The following PGGT1B variants were observed in gnomAD, a reference collection of about 807,000 sequenced individuals.
PGGT1B encodes the protein geranylgeranyl transferase type-1 subunit beta.
Under a neutral mutation model 46.1 loss-of-function variants are expected in PGGT1B, and 30 were observed. That is an observed-to-expected ratio of 0.65 (90% confidence interval 0.49 to 0.88). The LOEUF (loss-of-function observed/expected upper bound fraction) is 0.88. PGGT1B is among the 40% of genes least tolerant of loss of function. PGGT1B has a pLI of 0.00. For missense variants in PGGT1B, 376 were observed against 455.9 expected (o/e 0.82, Z 1.60); for synonymous variants, 170 against 160.0 (o/e 1.06, Z -0.47).
intron 7 of PGGT1B, among the ~76,000 whole-genome samples, chr5:115,220,728 GATA>G: frequency 6.6e-6 from 1 of 151,866 alleles, no homozygotes; most frequent in South Asian, 2.1e-4. Context: ...GATATTTAAT[GATA>G]ATAAGAAATT....
At chr5:115,244,566 C>G (rs977824918) in intron 2 of PGGT1B, among the ~76,000 whole-genome samples, 4 of 146,672 alleles carry the variant, frequency 2.7e-5, no homozygotes, top group Admixed American at 2.1e-4. Flanking sequence ...AAAAAGTTAT[C>G]TTTCTCTTAC....
chr5:115,246,214 G>A (rs951783574), intron 2 of PGGT1B, among the ~76,000 whole-genome samples: 1 of 152,010 alleles, frequency 6.6e-6, no homozygotes, highest in Non-Finnish European at 1.5e-5. Flanking sequence ...AAATTAGCCG[G>A]GTGTGGTGGA....
At position 115,212,483 on chromosome 5, in the gene PGGT1B, A is replaced by C. The variant is rs1756265365; in HGVS notation, c.1053T>G (p.Ser351=). ...TTTGATGGAGATCTAGAAGGCGTTC[A>C]GAAGTCCGTGTGCTTACATTCAGAG... ...HPALNVSTRT[S]ERLLDLHQSW... The change falls in exon 9 of 9, where the codon TCT becomes TCG. Residue 351 remains serine (S), a synonymous_variant. Coordinates refer to ENST00000419445, the MANE Select transcript of PGGT1B (RefSeq NM_005023.4). 1 of 1,613,136 alleles carries C rather than the reference A, an allele frequency of 6.2e-7. No individual in the cohort carries two copies. The highest frequency in any genetic ancestry group is 1.3e-5 in the African/African-American group (1 of 74,874).
intron 5 of PGGT1B, among the ~76,000 whole-genome samples, chr5:115,234,966 C>CGTAT (rs1757130986): frequency 6.6e-6 from 1 of 152,018 alleles, no homozygotes; most frequent in Non-Finnish European, 1.5e-5. Flanking sequence ...TACCAATGAG[C>CGTAT]ATACTTAGTA....
intron 7 of PGGT1B, among the ~76,000 whole-genome samples, chr5:115,219,417 T>G (rs1756520640): frequency 6.6e-6 from 1 of 151,862 alleles, no homozygotes; most frequent in Non-Finnish European, 1.5e-5. Flanking sequence ...TGAGGTTGGA[T>G]CTTACCTTAC....
intron 1 of PGGT1B, among the ~76,000 whole-genome samples, chr5:115,259,685 CAAAAAAAA>C (rs917531364): frequency 5.8e-4 from 17 of 29,474 alleles, no homozygotes; most frequent in African/African-American, 2.0e-3. Context: ...GAGACTGTCT[CAAAAAAAA>C]AAAAAAAAAA....
At chr5:115,238,582 T>G (rs1242828462) in intron 3 of PGGT1B, among the ~76,000 whole-genome samples, 1 of 152,122 alleles carries the variant, frequency 6.6e-6, no homozygotes, top group Non-Finnish European at 1.5e-5. Context: ...CAAAACTTAT[T>G]TTATATAGCA....
chr5:115,241,091 C>A lies in PGGT1B; in HGVS notation c.327+448G>T, dbSNP rs78319585. ...TCACTACCTAGGTCTTCAATCACTG[C>A]CTTTAGAAGGGCTTTTTCTTTTATT... On this transcript the variant is annotated intron_variant, in intron 3 of 8. Coordinates refer to ENST00000419445, the MANE Select transcript of PGGT1B (RefSeq NM_005023.4). Among the ~76,000 whole-genome samples the A allele has an allele frequency of 3.0e-3, 456 of 152,194 alleles. 2 individuals carry two copies. Among genetic ancestry groups the A allele is most frequent in the African/African-American group, 0.01 (429 of 41,528 alleles).
intron 5 of PGGT1B, among the ~76,000 whole-genome samples, chr5:115,232,383 C>T (rs1234606322): frequency 6.6e-6 from 1 of 151,962 alleles, no homozygotes; most frequent in Non-Finnish European, 1.5e-5. Context: ...ACAAAACACA[C>T]AACGTTGGAA....
intron 1 of PGGT1B, among the ~76,000 whole-genome samples, chr5:115,256,935 T>C (rs1383073712): frequency 1.3e-5 from 2 of 152,216 alleles, no homozygotes; most frequent in Non-Finnish European, 2.9e-5. Context: ...TTTCAGAGAA[T>C]ATCTGTTTAT....
chr5:115,253,016 C>T, intron 2 of PGGT1B, 121 bp downstream of exon 2: 1 of 860,862 alleles, frequency 1.2e-6, no homozygotes, highest in Non-Finnish European at 1.8e-6. Flanking sequence ...TGCATTACAA[C>T]AAAATCACAG....
Position 115,210,800 on chromosome 5 carries a change from G to A in PGGT1B, c.*1602C>T, listed in dbSNP as rs190563853. The A allele has an allele frequency of 9.9e-4, 150 of 152,066 alleles. No homozygotes were observed. Among genetic ancestry groups the A allele is most frequent in the African/African-American group, 3.4e-3 (142 of 41,538 alleles). The allele number at this position is 152,066 out of a possible 1,614,324, so 9.4% of individuals were successfully genotyped here. A position where few individuals can be genotyped will look rare whatever the true frequency, so the allele number is the denominator to read the frequency against. ...TTAATCTGCCAGGATTTAAATAGTA[G>A]CAACTGGAATAACCCATAGACGGAT... On this transcript the variant is annotated 3_prime_UTR_variant, in exon 9 of 9. Coordinates refer to ENST00000419445, the MANE Select transcript of PGGT1B (RefSeq NM_005023.4).
chr5:115,215,541 G>A (rs1580742354), intron 8 of PGGT1B, among the ~76,000 whole-genome samples: 1 of 151,552 alleles, frequency 6.6e-6, no homozygotes, highest in African/African-American at 2.4e-5. Flanking sequence ...CAAGTGATCC[G>A]CCCACCTCAG....
chr5:115,220,821 A>T (rs1284252879), intron 7 of PGGT1B, among the ~76,000 whole-genome samples: 5 of 152,008 alleles, frequency 3.3e-5, no homozygotes, highest in South Asian at 4.1e-4. Context: ...AGATTATATT[A>T]AAAAATTTCC....
At position 115,221,888 on chromosome 5, in the gene PGGT1B, T is replaced by C; in HGVS notation, c.779A>G (p.Tyr260Cys). ...RWCIMRQQNG[Y>C]HGRPNKPVDT... Reference sequence around the variant, plus strand: ...TACAGGCTTATTAGGTCTTCCATGATAACCATTTTGTTGCCTCATTATACA... The same window carrying C: ...TACAGGCTTATTAGGTCTTCCATGACAACCATTTTGTTGCCTCATTATACA... The change falls in exon 7 of 9, where the codon TAT becomes TGT. Residue 260 changes from tyrosine to cysteine, a missense_variant. Tyr to Cys is a radical substitution (Grantham distance 194). Transcript: ENST00000419445. 2 of 1,610,442 alleles carry C rather than the reference T, an allele frequency of 1.2e-6. No homozygotes were observed. Among genetic ancestry groups the C allele is most frequent in the Non-Finnish European group, 1.7e-6 (2 of 1,178,426 alleles).
Position 115,215,187 on chromosome 5 carries a change from G to A in PGGT1B, c.952+1678C>T, listed in dbSNP as rs149656119. Among the ~76,000 whole-genome samples, 512 of 152,034 alleles carry A rather than the reference G, an allele frequency of 3.4e-3. 2 individuals are homozygous for A. Among genetic ancestry groups the A allele is most frequent in the African/African-American group, 0.011 (475 of 41,438 alleles). On this transcript the variant is annotated intron_variant, in intron 8 of 8. Transcript: ENST00000419445. ...CTATTTTTGTATTTTTGGTAGAGAC[G>A]GGGTCTCGCCATATTGACCAGGCTG...
chr5:115,207,661 G>A lies in PGGT1B; in HGVS notation c.*4741C>T, dbSNP rs115159670. On this transcript the variant is annotated 3_prime_UTR_variant, in exon 9 of 9. Transcript: ENST00000419445. ...TTGTATTTAATAGCTACTTTACTAAGTTCTTTTATTGTTTAGTTTTTCAAC... is the reference window on the plus strand; with the variant it reads ...TTGTATTTAATAGCTACTTTACTAAATTCTTTTATTGTTTAGTTTTTCAAC... 1,023 of 152,128 alleles carry A rather than the reference G, an allele frequency of 6.7e-3. 13 individuals carry two copies. Among genetic ancestry groups the A allele is most frequent in the African/African-American group, 0.024 (981 of 41,536 alleles). 9.4% of individuals were successfully genotyped at this position (152,128 alleles called of 1,614,324 possible).
At chr5:115,240,724 G>C (rs1757321864) in intron 3 of PGGT1B, among the ~76,000 whole-genome samples, 1 of 152,130 alleles carries the variant, frequency 6.6e-6, no homozygotes, top group Non-Finnish European at 1.5e-5. Context: ...AAAACTGGTA[G>C]CTCTCCACTT....
rs1392167739 is a variant in PGGT1B, at chr5:115,209,166, C to G, written c.*3236G>C. The G allele has an allele frequency of 6.6e-6, 1 of 151,914 alleles. No individual in the cohort carries two copies. The highest frequency in any genetic ancestry group is 2.4e-5 in the African/African-American group (1 of 41,346). The allele number at this position is 151,914 out of a possible 1,614,324, so 9.4% of individuals were successfully genotyped here. A position where few individuals can be genotyped will look rare whatever the true frequency, so the allele number is the denominator to read the frequency against. ...CATATATAATGTCTCTGTGTCTTGG[C>G]CTTTCTTCCCAATACTTATCTAGAT... On this transcript the variant is annotated 3_prime_UTR_variant, in exon 9 of 9. Coordinates refer to ENST00000419445, the MANE Select transcript of PGGT1B (RefSeq NM_005023.4).
Sources: gnomAD v4.1 joint callset for allele counts (sites outside exome capture counted in the v4.1 genomes callset) on GRCh38, gnomAD v4.1.1 for gene constraint, MANE v1.5 for transcripts, NCBI Gene and HGNC (gene_info 2026-07-23, HGNC 2026-07-21) for gene names.